The following NOXRED1 variants were observed in gnomAD, a reference collection of about 807,000 sequenced individuals.
NOXRED1 encodes NADP-dependent oxidoreductase domain-containing protein 1.
A neutral mutation model predicts 30.4 loss-of-function variants in NOXRED1; 20 were observed. The observed-to-expected ratio is 0.66, with a 90% CI of 0.46 to 0.96. NOXRED1 has a LOEUF of 0.96. Among genes scored for constraint, NOXRED1 ranks in the 40% least tolerant of loss-of-function variants. NOXRED1 has a pLI of 0.00. For missense variants in NOXRED1, 374 were observed against 428.0 expected (o/e 0.87, Z 1.11); for synonymous variants, 155 against 168.0 (o/e 0.92, Z 0.60).
chr14:77,409,907 G>A (rs1227762711), intron 2 of NOXRED1, among the ~76,000 whole-genome samples: 1 of 151,024 alleles, frequency 6.6e-6, no homozygotes, highest in Non-Finnish European at 1.5e-5. Context: ...TCCTGGGTTC[G>A]AGCAATTCTC....
At chr14:77,418,899 A>C (rs1192524872) in intron 1 of NOXRED1, among the ~76,000 whole-genome samples, 1 of 152,120 alleles carries the variant, frequency 6.6e-6, no homozygotes, top group Admixed American at 6.5e-5. Flanking sequence ...TATTATGTAT[A>C]TGGCTATATA....
intron 2 of NOXRED1, among the ~76,000 whole-genome samples, chr14:77,409,114 G>A (rs950008046): frequency 6.6e-6 from 1 of 152,004 alleles, no homozygotes; most frequent in African/African-American, 2.4e-5. Flanking sequence ...ACAGACATTG[G>A]AGAGTGACTT....
intron 2 of NOXRED1, among the ~76,000 whole-genome samples, chr14:77,412,844 T>C (rs1894698395): frequency 6.6e-6 from 1 of 151,660 alleles, no homozygotes; most frequent in Non-Finnish European, 1.5e-5. Context: ...AATATGCTCA[T>C]GATACATTAT....
At position 77,407,598 on chromosome 14, in the gene NOXRED1, G is replaced by C; in HGVS notation, c.397C>G (p.Leu133Val). 1 of 1,614,072 alleles carries C rather than the reference G, an allele frequency of 6.2e-7. No homozygotes were observed. Among genetic ancestry groups the C allele is most frequent in the Non-Finnish European group, 8.5e-7 (1 of 1,179,914 alleles). ...GIKCFYHNAD[L>V]VSWADVIFLC... ...AATATCACATCGGCCCAACTCACCAGATCAGCGTTATGGTAAAAGCATTTG... is the reference window on the plus strand; with the variant it reads ...AATATCACATCGGCCCAACTCACCACATCAGCGTTATGGTAAAAGCATTTG... Residue 133 changes from leucine to valine, a missense_variant, in exon 3 of 6, where the codon CTG becomes GTG. Leu to Val is a conservative substitution (Grantham distance 32). Coordinates refer to ENST00000380835, the MANE Select transcript of NOXRED1 (RefSeq NM_001113475.3).
chr14:77,422,022 G>A (rs1017589970), intron 1 of NOXRED1, among the ~76,000 whole-genome samples: 1 of 152,128 alleles, frequency 6.6e-6, no homozygotes. Context: ...TGCCTCCTTG[G>A]ACATGTGCTG....
intron 2 of NOXRED1, among the ~76,000 whole-genome samples, chr14:77,412,571 GA>G (rs1894688589): frequency 1.3e-5 from 2 of 152,074 alleles, no homozygotes; most frequent in African/African-American, 4.8e-5. Context: ...GGAGTGCAAT[GA>G]TGTGATCTCA....
At position 77,394,729 on chromosome 14, in the gene NOXRED1, C is replaced by T. The variant is rs768848948; in HGVS notation, c.982G>A (p.Val328Ile). 1.9e-6 allele frequency: 3 copies of T among 1,613,376 alleles called. No homozygotes were observed. In the East Asian group the frequency reaches 6.7e-5, roughly 36 times the overall value. Reference protein sequence around the residue: ...PFSQHLSSSPVLQDHLTHLYC... With the variant: ...PFSQHLSSSPILQDHLTHLYC... ...AGATGGGTAAGGTGGTCTTGGAGAA[C>T]AGGACTACTTGAGAGATGCTGGCTA... The change falls in exon 6 of 6, where the codon GTT (valine) becomes ATT (isoleucine). Residue 328 changes from valine (V) to isoleucine (I), a missense_variant. Val to Ile is a conservative substitution (Grantham distance 29). Transcript: ENST00000380835.
Position 77,420,423 on chromosome 14 carries a change from G to C in NOXRED1, c.155+2312C>G, listed in dbSNP as rs567708742. On this transcript the variant is annotated intron_variant, in intron 1 of 5. Coordinates refer to ENST00000380835, the MANE Select transcript of NOXRED1 (RefSeq NM_001113475.3). ...AGACAGGGTCTCACTATGTTGCCCA[G>C]GCTGGTCTCAAACTCCTGGGCTCAA... Among the ~76,000 whole-genome samples the C allele has an allele frequency of 2.6e-4, 39 of 151,468 alleles. 1 individual carries two copies. In the South Asian group the frequency reaches 7.9e-3, roughly 31 times the overall value.
chr14:77,415,006 T>C (rs1400698840), intron 1 of NOXRED1, among the ~76,000 whole-genome samples: 1 of 150,362 alleles, frequency 6.7e-6, no homozygotes, highest in East Asian at 2.0e-4. Context: ...TAAGACCTCG[T>C]CTCTACAAAA....
intron 3 of NOXRED1, 61 bp downstream of exon 3, chr14:77,407,404 G>T: frequency 7.9e-7 from 1 of 1,264,244 alleles, no homozygotes. Context: ...GTGGGAGGCA[G>T]AAGTCAGAGA....
chr14:77,413,824 C>T (rs1894728954), intron 2 of NOXRED1, 110 bp downstream of exon 2: 1 of 671,736 alleles, frequency 1.5e-6, no homozygotes, highest in Non-Finnish European at 2.4e-6. Context: ...AAGCTGAGAA[C>T]TCCACACGCT....
chr14:77,402,926 T>C, intron 5 of NOXRED1, among the ~76,000 whole-genome samples: 1 of 151,628 alleles, frequency 6.6e-6, no homozygotes, highest in East Asian at 1.9e-4. Flanking sequence ...TCCCAGCTAC[T>C]TGGGAGGCTG....
In NOXRED1 at chr14:77,394,571, G is replaced by T. The variant is rs1166180926; in HGVS notation, c.*60C>A. 8 of 1,283,390 alleles carry T rather than the reference G, an allele frequency of 6.2e-6. No homozygotes were observed. The highest frequency in any genetic ancestry group is 9.0e-6 in the Non-Finnish European group (8 of 893,710). The allele number at this position is 1,283,390 out of a possible 1,614,324, so 79.5% of individuals were successfully genotyped here. ...CTCCCACAGTCAATTGTGATAATCA[G>T]GGCACAACTATTATAGGGAAAATCT... On this transcript the variant is annotated 3_prime_UTR_variant, in exon 6 of 6. Transcript: ENST00000380835.
intron 1 of NOXRED1, among the ~76,000 whole-genome samples, chr14:77,420,347 A>G (rs1594882964): frequency 6.7e-6 from 1 of 149,814 alleles, no homozygotes; most frequent in East Asian, 2.0e-4. Flanking sequence ...TTATTCATGT[A>G]TTGTTTTCCT....
intron 2 of NOXRED1, among the ~76,000 whole-genome samples, chr14:77,412,060 C>T (rs1257124978): frequency 1.5e-5 from 2 of 137,162 alleles, no homozygotes; most frequent in Admixed American, 8.3e-5. Flanking sequence ...GTGCTCTCCA[C>T]GATCTGCACT....
rs555636739 is a variant in NOXRED1, at chr14:77,397,986, A to C, written c.906-3181T>G. Among the ~76,000 whole-genome samples the C allele has an allele frequency of 5.0e-4, 76 of 152,146 alleles. 1 individual carries two copies. Among genetic ancestry groups the C allele is most frequent in the Non-Finnish European group, 9.4e-4 (64 of 68,020 alleles). On this transcript the variant is annotated intron_variant, in intron 5 of 5. Coordinates refer to ENST00000380835, the MANE Select transcript of NOXRED1 (RefSeq NM_001113475.3). ...CAATAATTAAAAAGCTGAACTAAAA[A>C]ATCAATAACTCTTTTAGATGTGTAA... is the stretch of plus-strand genomic sequence containing the variant.
intron 1 of NOXRED1, among the ~76,000 whole-genome samples, chr14:77,419,068 CTCTT>C (rs1276691104): frequency 2.9e-5 from 4 of 140,112 alleles, no homozygotes; most frequent in South Asian, 2.3e-4. Flanking sequence ...CTCTTTCTTT[CTCTT>C]TTTTTTTTTT....
At chr14:77,410,176 C>T (rs1894610225) in intron 2 of NOXRED1, among the ~76,000 whole-genome samples, 1 of 152,088 alleles carries the variant, frequency 6.6e-6, no homozygotes, top group East Asian at 1.9e-4. Flanking sequence ...CTTACTCCTG[C>T]AATACCTGCA....
chr14:77,398,618 G>C (rs116936828), intron 5 of NOXRED1, among the ~76,000 whole-genome samples: 1 of 152,242 alleles, frequency 6.6e-6, no homozygotes, highest in East Asian at 1.9e-4. Context: ...CAAAGACTGA[G>C]ACCTACCCGT....
Sources: gnomAD v4.1 joint callset for allele counts (sites outside exome capture counted in the v4.1 genomes callset) on GRCh38, gnomAD v4.1.1 for gene constraint, MANE v1.5 for transcripts, NCBI Gene and HGNC (gene_info 2026-07-23, HGNC 2026-07-21) for gene names.